The following MAGI2 variants were observed in gnomAD, a reference collection of about 807,000 sequenced individuals.
MAGI2 encodes the protein membrane associated guanylate kinase, WW and PDZ domain containing 2, also known as membrane-associated guanylate kinase, WW and PDZ domain-containing protein 2.
In MAGI2, 35 loss-of-function variants were observed where a neutral mutation model predicts 133.3. The ratio of observed to expected loss-of-function variants is 0.26; its 90% CI spans 0.20 to 0.35. The LOEUF is 0.35. Ranked by LOEUF, MAGI2 falls within the 10% of genes least tolerant of loss-of-function variation. The probability of loss-of-function intolerance (pLI) is 1.00; values close to 1 mark genes in which losing one functional copy is unlikely to be tolerated. For synonymous variants in MAGI2, 729 were observed against 710.6 expected (o/e 1.03, Z -0.41); for missense variants, 1,636 against 1,863.4 (o/e 0.88, Z 2.25).
In MAGI2 at chr7:78,884,006, C is replaced by T. The variant is rs539575639; in HGVS notation, c.418+123084G>A. 7.9e-5 allele frequency among the ~76,000 whole-genome samples: 12 copies of T among 152,122 alleles called. No individual in the cohort carries two copies. The South Asian group carries it at 1.2e-3, about 16-fold the overall frequency. On this transcript the variant is annotated intron_variant, in intron 2 of 21. Transcript: ENST00000354212. ...CAACAAAAACAAAAATTGACAAGTG[C>T]GACCTGATTAAACTATTGTGCTTTG...
chr7:79,138,847 T>C (rs1289571100), intron 1 of MAGI2, among the ~76,000 whole-genome samples: 1 of 151,536 alleles, frequency 6.6e-6, no homozygotes, highest in Non-Finnish European at 1.5e-5. Context: ...CTACTAAAAA[T>C]ACAAAAAAAT....
At chr7:78,526,189 T>C (rs1446935975) in intron 3 of MAGI2, among the ~76,000 whole-genome samples, 1 of 152,224 alleles carries the variant, frequency 6.6e-6, no homozygotes, top group African/African-American at 2.4e-5. Context: ...AAATGTGTGA[T>C]GCAATCGCAA....
At chr7:79,239,977 C>T (rs1314644271) in intron 1 of MAGI2, among the ~76,000 whole-genome samples, 1 of 152,198 alleles carries the variant, frequency 6.6e-6, no homozygotes, top group Non-Finnish European at 1.5e-5. Flanking sequence ...TAAATGTCTT[C>T]CCTCAGATTA....
intron 9 of MAGI2, among the ~76,000 whole-genome samples, chr7:78,298,810 GTTTTTTTTTTTTTT>G (rs71085520): frequency 1.3e-5 from 1 of 79,606 alleles, no homozygotes; most frequent in Non-Finnish European, 2.1e-5. Flanking sequence ...TGGCCTAAAC[GTTTTTTTTTTTTTT>G]TTTTTTTTTG....
intron 6 of MAGI2, among the ~76,000 whole-genome samples, chr7:78,472,929 TA>T (rs765296026): frequency 3.3e-5 from 5 of 152,072 alleles, no homozygotes; most frequent in Non-Finnish European, 7.4e-5. Flanking sequence ...CGAGGTAGTA[TA>T]GGGGAAAGGT....
chr7:79,388,977 C>T (rs1844403706), intron 1 of MAGI2, among the ~76,000 whole-genome samples: 1 of 151,744 alleles, frequency 6.6e-6, no homozygotes, highest in Admixed American at 6.6e-5. Context: ...TTTTGGGATG[C>T]TTCTTAGAAA....
At chr7:79,012,733 A>T (rs566371562) in intron 1 of MAGI2, among the ~76,000 whole-genome samples, 47 of 152,148 alleles carry the variant, frequency 3.1e-4, no homozygotes, top group African/African-American at 1.1e-3. Context: ...ATTTTTTCTC[A>T]TCTATAAAAG....
rs532903412 is a variant in MAGI2 at position 78,459,207 on chromosome 7, A to C, written c.1045+30554T>G. On this transcript the variant is annotated intron_variant, in intron 6 of 21. Transcript: ENST00000354212. ...TAAAATCCTTGAGATATGGCAAGGC[A>C]ACTTTTGAATATAATCAATATAAAA... Among the ~76,000 whole-genome samples, 5 of 152,380 alleles carry C rather than the reference A, an allele frequency of 3.3e-5. No individual in the cohort carries two copies. In the East Asian group the frequency reaches 9.6e-4, roughly 29 times the overall value.
intron 1 of MAGI2, among the ~76,000 whole-genome samples, chr7:79,031,427 C>T (rs1019245998): frequency 1.3e-5 from 2 of 152,092 alleles, no homozygotes; most frequent in East Asian, 1.9e-4. Flanking sequence ...AGACTATAAA[C>T]CTCTCATATA....
At chr7:78,804,748 C>CAAAAAAAACAAA (rs1563525863) in intron 2 of MAGI2, among the ~76,000 whole-genome samples, 1 of 97,736 alleles carries the variant, frequency 1.0e-5, no homozygotes, top group African/African-American at 4.7e-5. Context: ...GACTCTGTCT[C>CAAAAAAAACAAA]AAAAAAAAAA....
intron 1 of MAGI2, among the ~76,000 whole-genome samples, chr7:79,171,543 A>G (rs1166093685): frequency 6.6e-6 from 1 of 151,424 alleles, no homozygotes; most frequent in Non-Finnish European, 1.5e-5. Context: ...ATATCCCCTC[A>G]AAAATTAGTG....
At chr7:78,975,406 A>G (rs1804158867) in intron 2 of MAGI2, among the ~76,000 whole-genome samples, 2 of 151,758 alleles carry the variant, frequency 1.3e-5, no homozygotes, top group African/African-American at 2.4e-5. Context: ...GGCACTGAAC[A>G]ACACACTGCT....
chr7:78,259,011 T>G (rs1353574388), intron 9 of MAGI2, among the ~76,000 whole-genome samples: 5 of 152,214 alleles, frequency 3.3e-5, no homozygotes, highest in Non-Finnish European at 7.4e-5. Flanking sequence ...GTTGAAATTT[T>G]CATTGCTTTA....
intron 1 of MAGI2, among the ~76,000 whole-genome samples, chr7:79,374,852 G>C (rs1431177279): frequency 6.6e-6 from 1 of 151,816 alleles, no homozygotes; most frequent in Non-Finnish European, 1.5e-5. Context: ...ATCTTTTGAA[G>C]CTCCCTCTTT....
chr7:79,284,199 A>C lies in MAGI2; in HGVS notation c.301+168821T>G, dbSNP rs142590506. On this transcript the variant is annotated intron_variant, in intron 1 of 21. Coordinates refer to ENST00000354212, the MANE Select transcript of MAGI2 (RefSeq NM_012301.4). ...TGTCTCTGAGCTTTTACATTTTATG[A>C]TAGGGTCAGCCATAGGGTAAAAGTT... Among the ~76,000 whole-genome samples, 612 of 152,194 alleles carry C rather than the reference A, an allele frequency of 4.0e-3. 6 individuals are homozygous for C. Among genetic ancestry groups the C allele is most frequent in the African/African-American group, 0.014 (583 of 41,556 alleles).
chr7:78,851,395 G>A (rs938942562), intron 2 of MAGI2, among the ~76,000 whole-genome samples: 1 of 151,984 alleles, frequency 6.6e-6, no homozygotes, highest in Admixed American at 6.6e-5. Flanking sequence ...AATTCCGACA[G>A]AGAGTAACTG....
In MAGI2 at chr7:78,543,252, G is replaced by A. The variant is rs561989223; in HGVS notation, c.539-21607C>T. Among the ~76,000 whole-genome samples the A allele has an allele frequency of 5.3e-5, 8 of 152,302 alleles. No homozygotes were observed. The South Asian group carries it at 1.0e-3, about 20-fold the overall frequency. ...AGGAACTTTGAATAGGTAGGTGGAC[G>A]TCAAGAATGAATAAGCTTTGATAGT... On this transcript the variant is annotated intron_variant, in intron 3 of 21. Coordinates refer to ENST00000354212, the MANE Select transcript of MAGI2 (RefSeq NM_012301.4).
At chr7:78,364,016 G>T (rs539387413) in intron 7 of MAGI2, among the ~76,000 whole-genome samples, 5 of 151,246 alleles carry the variant, frequency 3.3e-5, no homozygotes, top group African/African-American at 4.9e-5. Flanking sequence ...TTTCTTTCTC[G>T]TCTTTTCCTC....
chr7:78,690,217 A>G (rs533684042), intron 2 of MAGI2, among the ~76,000 whole-genome samples: 36 of 152,332 alleles, frequency 2.4e-4, no homozygotes, highest in Admixed American at 5.2e-4. Context: ...TAAAATATAG[A>G]ATTCATTCAT....
Sources: allele counts gnomAD v4.1 joint callset (sites outside exome capture counted in the v4.1 genomes callset), GRCh38; gene constraint gnomAD v4.1.1; transcripts MANE v1.5; gene names NCBI Gene and HGNC (gene_info 2026-07-23, HGNC 2026-07-21).